Variants in MTOR observed in about 807,000 individuals in gnomAD.
The protein encoded by MTOR is mechanistic target of rapamycin kinase, also known as serine/threonine-protein kinase mTOR.
A neutral mutation model predicts 319.8 loss-of-function variants in MTOR; 70 were observed. That is an observed-to-expected ratio of 0.22 (90% CI 0.18 to 0.27). MTOR has a LOEUF of 0.27. Ranked by LOEUF, MTOR falls within the 10% of genes least tolerant of loss-of-function variation. The probability of loss-of-function intolerance (pLI) is 1.00; values close to 1 mark genes in which losing one functional copy is unlikely to be tolerated. For missense variants in MTOR, 1,890 were observed against 3,274.4 expected (o/e 0.58, Z 10.32); for synonymous variants, 1,183 against 1,211.4 (o/e 0.98, Z 0.49).
intron 17 of MTOR, 74 bp from the exon 18 acceptor site, chr1:11,231,128 T>C (rs1433960139): frequency 3.3e-5 from 53 of 1,608,322 alleles, no homozygotes; most frequent in Non-Finnish European, 4.3e-5. Flanking sequence ...CGGATACTCC[T>C]CTCAGGTTAC....
intron 28 of MTOR, 64 bp from the exon 29 acceptor site, chr1:11,167,581 C>T: frequency 1.6e-6 from 2 of 1,263,144 alleles, no homozygotes; most frequent in Non-Finnish European, 2.3e-6. Context: ...ATGTGGGGGT[C>T]ATTTGTGGGC....
chr1:11,121,127 G>C lies in MTOR; in HGVS notation c.6933+119C>G. 1 of 1,371,066 alleles carries C rather than the reference G, an allele frequency of 7.3e-7. No homozygotes were observed. The highest frequency in any genetic ancestry group is 2.5e-5 in the Admixed American group (1 of 39,376). The allele number at this position is 1,371,066 out of a possible 1,614,324, so 84.9% of individuals were successfully genotyped here. A position where few individuals can be genotyped will look rare whatever the true frequency, so the allele number is the denominator to read the frequency against. ...ATTTTTGTTAGAAAAGTCTGGACAC[G>C]CTCTACAGCCAATCACAGCAAAGAA... On this transcript the variant is annotated intron_variant, in intron 49 of 57. Coordinates refer to ENST00000361445, the MANE Select transcript of MTOR (RefSeq NM_004958.4). The surrounding 1 kb of genome is among the most constrained non-coding windows in gnomAD (Gnocchi z 4.9).
At chr1:11,242,986 A>C (rs948192048) in intron 9 of MTOR, 128 bp downstream of exon 9, 3 of 874,420 alleles carry the variant, frequency 3.4e-6, no homozygotes, top group Admixed American at 5.7e-5. Flanking sequence ...GCTGTTCTTC[A>C]TATGATTTGC....
At chr1:11,186,058 G>T (rs1202390570) in intron 28 of MTOR, among the ~76,000 whole-genome samples, 3 of 140,690 alleles carry the variant, frequency 2.1e-5, no homozygotes, top group Non-Finnish European at 4.5e-5. Context: ...ACTCCAGCCT[G>T]GACGACAGAG....
In MTOR at chr1:11,238,504, T is replaced by C. The variant is rs1258276861; in HGVS notation, c.1900A>G (p.Ile634Val). Residue 634 changes from isoleucine to valine, a missense_variant, in exon 12 of 58, where the codon ATC becomes GTC. Around this residue, in one of 15 missense-constraint regions of MTOR, gnomAD observed 418 missense variants for 543.1 expected, o/e 0.77. Transcript: ENST00000361445. ...TGAGCATGGCCACTGATGAGGTGGA[T>C]GGAGGGTGTGAGCAGGCGGGAGCAG... is the stretch of plus-strand genomic sequence containing the variant. Reference protein sequence around the residue: ...RTCSRLLTPSIHLISGHAHVV... With the variant: ...RTCSRLLTPSVHLISGHAHVV... 1.2e-6 allele frequency: 2 copies of C among 1,614,082 alleles called. No homozygotes were observed. The highest frequency in any genetic ancestry group is 1.3e-5 in the African/African-American group (1 of 74,926).
intron 6 of MTOR, among the ~76,000 whole-genome samples, chr1:11,251,233 G>A (rs529687446): frequency 1.4e-4 from 22 of 152,244 alleles, no homozygotes; most frequent in African/African-American, 5.1e-4. Flanking sequence ...GCTCAGCCAT[G>A]GTAGGGGAGC....
intron 36 of MTOR, 42 bp downstream of exon 36, chr1:11,139,262 T>C (rs1443765762): frequency 6.4e-7 from 1 of 1,560,688 alleles, no homozygotes; most frequent in Non-Finnish European, 8.6e-7. Flanking sequence ...AGGCGAGCAT[T>C]CTGGAGAAGG....
chr1:11,134,151 G>A (rs775845360), intron 37 of MTOR, among the ~76,000 whole-genome samples, 200 bp downstream of exon 37: 1 of 152,194 alleles, frequency 6.6e-6, no homozygotes, highest in Non-Finnish European at 1.5e-5. Context: ...GGGTGCTCTT[G>A]GGCTGCTGAA....
At chr1:11,185,861 C>A (rs1645302454) in intron 28 of MTOR, among the ~76,000 whole-genome samples, 1 of 151,942 alleles carries the variant, frequency 6.6e-6, no homozygotes, top group Non-Finnish European at 1.5e-5. Flanking sequence ...GCGGGTGGAT[C>A]AACAGATCAG....
At chr1:11,194,714 C>T in intron 28 of MTOR, 8 of 1,610,300 alleles carry the variant, frequency 5.0e-6, no homozygotes, top group Non-Finnish European at 5.9e-6. Context: ...CATAATCCCA[C>T]TTGAGGAGAA....
At position 11,219,974 on chromosome 1, in the gene MTOR, A is replaced by G. The variant is rs1021837229; in HGVS notation, c.3031-3740T>C. ...CTCGAACATGGAAGGTGGAGGTTGC[A>G]GTTAACCGAGATCGTACCACTGCAT... is the stretch of plus-strand genomic sequence containing the variant. On this transcript the variant is annotated intron_variant, in intron 19 of 57. Transcript: ENST00000361445. Among the ~76,000 whole-genome samples the G allele has an allele frequency of 3.4e-5, 5 of 148,718 alleles. No homozygotes were observed. The South Asian group carries it at 1.1e-3, about 33-fold the overall frequency.
At chr1:11,202,941 G>A (rs1646025987) in intron 26 of MTOR, among the ~76,000 whole-genome samples, 1 of 151,550 alleles carries the variant, frequency 6.6e-6, no homozygotes, top group African/African-American at 2.4e-5. Flanking sequence ...GGCGGGGCGT[G>A]GTGGCTCACG....
chr1:11,124,370 G>A, intron 47 of MTOR, 128 bp downstream of exon 47: 1 of 1,243,846 alleles, frequency 8.0e-7, no homozygotes, highest in Non-Finnish European at 1.1e-6. Context: ...CTACAGGCAT[G>A]AGTTACCATG....
At chr1:11,194,420 A>C in intron 28 of MTOR, 4 of 1,594,012 alleles carry the variant, frequency 2.5e-6, no homozygotes, top group Non-Finnish European at 1.7e-6. Flanking sequence ...CATGAAATGG[A>C]GCCTGCTGCA....
rs141996316 is a variant in MTOR, at chr1:11,151,335, A to C, written c.4470-1109T>G. Among the ~76,000 whole-genome samples the C allele has an allele frequency of 6.9e-3, 1,045 of 152,294 alleles. 12 individuals carry two copies. Among genetic ancestry groups the C allele is most frequent in the African/African-American group, 0.024 (987 of 41,560 alleles). On this transcript the variant is annotated intron_variant, in intron 30 of 57. Transcript: ENST00000361445. ...GGACACAAGCACTCTGGCTCAATAC[A>C]GAGCTGAGACCAAAAAGAGGAACTG... is the stretch of plus-strand genomic sequence containing the variant.
chr1:11,139,350 T>C lies in MTOR; in HGVS notation c.5084A>G (p.Gln1695Arg). 1.2e-6 allele frequency: 2 copies of C among 1,613,198 alleles called. No individual in the cohort carries two copies. The highest frequency in any genetic ancestry group is 1.1e-5 in the South Asian group (1 of 90,992). The part of the protein sequence containing the change: ...LDHPLPTVHP[Q>R]VTYAYMKNMW... Reference sequence around the variant, plus strand: ...GTTTTTCATGTAGGCATAGGTCACCTGAGGGTGAACTGTTGGCAGAGGATG... The same window carrying C: ...GTTTTTCATGTAGGCATAGGTCACCCGAGGGTGAACTGTTGGCAGAGGATG... The change falls in exon 36 of 58, where the codon CAG (glutamine) becomes CGG (arginine). Residue 1695 changes from glutamine (Q) to arginine (R), a missense_variant. This residue lies in a region of MTOR where 276 missense variants were observed against 459.4 expected (regional missense o/e 0.60). Coordinates refer to ENST00000361445, the MANE Select transcript of MTOR (RefSeq NM_004958.4).
chr1:11,107,313 G>A lies in MTOR; in HGVS notation c.*172C>T. The A allele has an allele frequency of 6.7e-7, 1 of 1,489,436 alleles. No individual in the cohort carries two copies. Among genetic ancestry groups the A allele is most frequent in the East Asian group, 2.3e-5 (1 of 42,572 alleles). 92.3% of individuals were successfully genotyped at this position (1,489,436 alleles called of 1,614,324 possible). ...GTTTCTGACAATATATTCTTCAACA[G>A]CAGCTAGAAAGTTGGTTCAAACCAA... On this transcript the variant is annotated 3_prime_UTR_variant, in exon 58 of 58. Coordinates refer to ENST00000361445, the MANE Select transcript of MTOR (RefSeq NM_004958.4).
chr1:11,153,723 C>G (rs767927803), intron 30 of MTOR, among the ~76,000 whole-genome samples: 3 of 152,114 alleles, frequency 2.0e-5, no homozygotes, highest in Non-Finnish European at 4.4e-5. Flanking sequence ...CTACTGAACA[C>G]CTAAAATGTG....
chr1:11,146,872 A>G, intron 31 of MTOR, 81 bp from the exon 32 acceptor site: 1 of 958,932 alleles, frequency 1.0e-6, no homozygotes, highest in East Asian at 2.4e-5. Flanking sequence ...AGGTCTTGCC[A>G]CTGTTATTTT....
Sources: allele counts gnomAD v4.1 joint callset (sites outside exome capture counted in the v4.1 genomes callset), GRCh38; gene constraint gnomAD v4.1.1; regional missense constraint gnomAD v4.1.1; non-coding constraint Gnocchi (gnomAD v3.1); transcripts MANE v1.5; gene names NCBI Gene and HGNC (gene_info 2026-07-23, HGNC 2026-07-21).